ADGRL2: variants seen among roughly 807,000 people sequenced by gnomAD.
ADGRL2 encodes the protein calcium-independent alpha-latrotoxin receptor 2.
ADGRL2 carries 44 observed loss-of-function variants against 157.4 expected under a neutral mutation model. The ratio of observed to expected loss-of-function variants is 0.28; its 90% CI spans 0.22 to 0.36. ADGRL2 has a LOEUF of 0.36. ADGRL2 is among the 10% of genes least tolerant of loss of function. The pLI, the probability that ADGRL2 is intolerant of heterozygous loss-of-function variation, is 1.00. For synonymous variants in ADGRL2, 585 were observed against 624.7 expected (o/e 0.94, Z 0.95); for missense variants, 1,510 against 1,768.9 (o/e 0.85, Z 2.63).
At chr1:81,843,253 C>T (rs2092666696) in intron 2 of ADGRL2, among the ~76,000 whole-genome samples, 3 of 152,092 alleles carry the variant, frequency 2.0e-5, no homozygotes, top group Admixed American at 2.0e-4. Context: ...CTGCCTCAGC[C>T]TCCCAAGTAA....
intron 2 of ADGRL2, among the ~76,000 whole-genome samples, chr1:81,880,672 C>T (rs2093963554): frequency 1.3e-5 from 2 of 151,966 alleles, no homozygotes; most frequent in Admixed American, 1.3e-4. Context: ...CCCACCGCCC[C>T]CCGCCCCATT....
At chr1:81,543,128 A>G (rs2079927576) in intron 2 of ADGRL2, among the ~76,000 whole-genome samples, 3 of 152,052 alleles carry the variant, frequency 2.0e-5, no homozygotes, top group Non-Finnish European at 2.9e-5. Context: ...TAATGTGACT[A>G]TAGGACCCTG....
chr1:81,518,893 T>A (rs2079244787), intron 2 of ADGRL2, among the ~76,000 whole-genome samples: 1 of 152,188 alleles, frequency 6.6e-6, no homozygotes, highest in Non-Finnish European at 1.5e-5. Flanking sequence ...AACACAGAAG[T>A]GTTTGCTTTA....
intron 1 of ADGRL2, among the ~76,000 whole-genome samples, chr1:81,422,221 A>C (rs2077138459): frequency 6.6e-6 from 1 of 152,090 alleles, no homozygotes; most frequent in Non-Finnish European, 1.5e-5. Context: ...TTATTTTAAG[A>C]GGTATAAAGA....
intron 3 of ADGRL2, among the ~76,000 whole-genome samples, chr1:81,674,580 C>T (rs1014190160): frequency 6.6e-6 from 1 of 152,086 alleles, no homozygotes; most frequent in Non-Finnish European, 1.5e-5. Context: ...AAGTAAGAAC[C>T]CTCAAAGTTT....
At chr1:81,372,638 A>G (rs1227777399) in intron 1 of ADGRL2, among the ~76,000 whole-genome samples, 2 of 152,186 alleles carry the variant, frequency 1.3e-5, no homozygotes, top group East Asian at 3.8e-4. Flanking sequence ...ACTCCATCTC[A>G]TTCCAAAAAC....
chr1:81,603,270 C>A (rs1485006672), intron 3 of ADGRL2, among the ~76,000 whole-genome samples: 1 of 152,070 alleles, frequency 6.6e-6, no homozygotes, highest in Non-Finnish European at 1.5e-5. Flanking sequence ...TGTTCTTTAA[C>A]CTCAGTACTT....
chr1:81,601,678 C>T (rs2081335812), intron 3 of ADGRL2, among the ~76,000 whole-genome samples: 1 of 152,186 alleles, frequency 6.6e-6, no homozygotes, highest in African/African-American at 2.4e-5. Context: ...ATTCCAGATT[C>T]ATCTGAGAAT....
chr1:81,435,196 G>A (rs1423186718), intron 1 of ADGRL2, among the ~76,000 whole-genome samples: 1 of 152,118 alleles, frequency 6.6e-6, no homozygotes, highest in Non-Finnish European at 1.5e-5. Flanking sequence ...TTCAATCTGT[G>A]AGTATAATGA....
In ADGRL2 at chr1:81,942,521, C is replaced by T. The variant is rs115595964; in HGVS notation, c.410-448C>T. 1.7e-3 allele frequency among the ~76,000 whole-genome samples: 263 copies of T among 151,912 alleles called. 1 individual carries two copies. Among genetic ancestry groups the T allele is most frequent in the African/African-American group, 6.0e-3 (249 of 41,498 alleles). On this transcript the variant is annotated intron_variant, in intron 5 of 23. Transcript: ENST00000686636. ...ACTTATGTAAAAGTTCTAAATAAGT[C>T]TTCACATTCGGTTTTCTGTTTTATT...
intron 2 of ADGRL2, among the ~76,000 whole-genome samples, chr1:81,893,958 C>T (rs1411741023): frequency 6.6e-6 from 1 of 152,138 alleles, no homozygotes; most frequent in Non-Finnish European, 1.5e-5. Flanking sequence ...AAATCAAAGT[C>T]ATTACATTGT....
At position 81,316,886 on chromosome 1, in the gene ADGRL2, A is replaced by G. The variant is rs968654227; in HGVS notation, c.-302+10377A>G. Among the ~76,000 whole-genome samples, 6 of 152,172 alleles carry G rather than the reference A, an allele frequency of 3.9e-5. No individual in the cohort carries two copies. In the South Asian group the frequency reaches 1.2e-3, roughly 31 times the overall value. On this transcript the variant is annotated intron_variant, in intron 1 of 24. Transcript: ENST00000370721. ...GATACATTAAAAAGCATATATGACT[A>G]TCTCTCATCCACCCCGATTTAGGGC...
intron 3 of ADGRL2, among the ~76,000 whole-genome samples, chr1:81,599,814 A>G (rs2081303051): frequency 6.6e-6 from 1 of 152,184 alleles, no homozygotes; most frequent in African/African-American, 2.4e-5. Context: ...AGACAGGGAT[A>G]CAAATGCAGG....
intron 10 of ADGRL2, 80 bp downstream of exon 10, chr1:81,953,105 A>G (rs1042518937): frequency 5.6e-5 from 68 of 1,209,686 alleles, no homozygotes; most frequent in South Asian, 3.3e-4. Flanking sequence ...GCATGATCCA[A>G]TGTATTTCAG....
intron 19 of ADGRL2, 23 bp from the exon 20 acceptor site, chr1:81,984,560 G>C (rs774832201): frequency 6.4e-7 from 1 of 1,564,258 alleles, no homozygotes; most frequent in Non-Finnish European, 8.7e-7. Flanking sequence ...TTAATCCCTT[G>C]GTCTTGTGAT....
At position 81,587,093 on chromosome 1, in the gene ADGRL2, A is replaced by G. The variant is rs60556124; in HGVS notation, c.-143+6113A>G. ...AATCAACTTGTCAGACTGCGAAGCT[A>G]TCTAAGAACAAGACAAGTTCTTCCT... is the stretch of plus-strand genomic sequence containing the variant. On this transcript the variant is annotated intron_variant, in intron 3 of 24. Transcript: ENST00000370721. 2.2e-3 allele frequency among the ~76,000 whole-genome samples: 332 copies of G among 152,236 alleles called. 3 individuals carry two copies. The highest frequency in any genetic ancestry group is 7.4e-3 in the African/African-American group (309 of 41,566).
At chr1:81,596,161 G>A (rs2081229396) in intron 3 of ADGRL2, 5 of 472,920 alleles carry the variant, frequency 1.1e-5, no homozygotes, top group South Asian at 5.3e-5. Context: ...TTAAGCATCC[G>A]CAATGGTGAC....
intron 2 of ADGRL2, chr1:81,557,395 G>C (rs573403990): frequency 8.1e-5 from 13 of 160,514 alleles, no homozygotes; most frequent in African/African-American, 3.1e-4. Flanking sequence ...GACAGAGCAA[G>C]ACAGACAGAA....
At chr1:81,937,351 T>C (rs927777528) in intron 4 of ADGRL2, among the ~76,000 whole-genome samples, 1 of 151,838 alleles carries the variant, frequency 6.6e-6, no homozygotes, top group African/African-American at 2.4e-5. Flanking sequence ...GAAACCTTAA[T>C]GCTAAATAAA....
Sources: allele counts gnomAD v4.1 joint callset (sites outside exome capture counted in the v4.1 genomes callset), GRCh38; gene constraint gnomAD v4.1.1; transcripts MANE v1.5; gene names NCBI Gene and HGNC (gene_info 2026-07-23, HGNC 2026-07-21).